ROR2: variants seen among roughly 807,000 people sequenced by gnomAD.
ROR2 encodes the protein ROR family WNT receptor 2, also known as tyrosine-protein kinase transmembrane receptor ROR2.
ROR2 carries 33 observed loss-of-function variants against 74.9 expected under a neutral mutation model. The observed-to-expected ratio is 0.44, with a 90% CI of 0.33 to 0.59. The LOEUF (loss-of-function observed/expected upper bound fraction) is 0.59, where lower values mean the gene tolerates loss of function less well. Ranked by LOEUF, ROR2 falls within the 20% of genes least tolerant of loss-of-function variation. The pLI, the probability that ROR2 is intolerant of heterozygous loss-of-function variation, is 0.02. For missense variants in ROR2, 1,216 were observed against 1,313.8 expected (o/e 0.93, Z 1.15); for synonymous variants, 586 against 558.7 (o/e 1.05, Z -0.69).
intron 4 of ROR2, among the ~76,000 whole-genome samples, chr9:91,746,485 T>C (rs181109029): frequency 2.7e-4 from 41 of 152,342 alleles, no homozygotes; most frequent in South Asian, 8.3e-4. Flanking sequence ...ACTAGACTTA[T>C]GAAAACTCCC....
Position 91,733,157 on chromosome 9 carries a change from A to C in ROR2, c.902T>G (p.Met301Arg). The C allele has an allele frequency of 6.2e-7, 1 of 1,604,558 alleles. No homozygotes were observed. Among genetic ancestry groups the C allele is most frequent in the Non-Finnish European group, 8.5e-7 (1 of 1,177,112 alleles). Reference protein sequence around the residue: ...MPESPDAANCMRIGIPAERLG... With the variant: ...MPESPDAANCRRIGIPAERLG... ...CCTCTCGGCTGGGATGCCAATGCGCATGCAGTTGGCAGCGTCGGGGCTCTC... is the reference window on the plus strand; with the variant it reads ...CCTCTCGGCTGGGATGCCAATGCGCCTGCAGTTGGCAGCGTCGGGGCTCTC... Residue 301 changes from methionine (M) to arginine (R), a missense_variant, in exon 6 of 9, where the codon ATG (methionine) becomes AGG (arginine). Physicochemically the swap from Met to Arg is moderately conservative, Grantham distance 91 (BLOSUM62 -1). Transcript: ENST00000375708. This position sits in a 1 kb window ranked among gnomAD's most constrained non-coding sequence, Gnocchi z 5.7.
intron 1 of ROR2, among the ~76,000 whole-genome samples, chr9:91,904,604 T>G (rs1402559834): frequency 6.6e-6 from 1 of 152,126 alleles, no homozygotes; most frequent in Non-Finnish European, 1.5e-5. Flanking sequence ...GGGGGTGCCT[T>G]GGCGCTTGGA....
intron 1 of ROR2, among the ~76,000 whole-genome samples, chr9:91,855,773 C>T (rs1397399529): frequency 1.3e-5 from 2 of 152,084 alleles, no homozygotes; most frequent in Non-Finnish European, 2.9e-5. Flanking sequence ...AGCGTAACTA[C>T]ACAACTCTGG....
chr9:91,921,964 A>C lies in ROR2; in HGVS notation c.97+27903T>G, dbSNP rs1367011252. Among the ~76,000 whole-genome samples the C allele has an allele frequency of 2.1e-5, 3 of 145,826 alleles. No individual in the cohort carries two copies. The East Asian group carries it at 6.1e-4, about 30-fold the overall frequency. ...AATAGACATTTCTCCAAAAAAAAAA[A>C]ATACACAACTGGCCAAAAAGAGCAT... On this transcript the variant is annotated intron_variant, in intron 1 of 8. Transcript: ENST00000375708.
At chr9:91,792,526 T>C (rs750246604) in intron 1 of ROR2, among the ~76,000 whole-genome samples, 5 of 152,152 alleles carry the variant, frequency 3.3e-5, no homozygotes, top group Admixed American at 2.6e-4. Context: ...GCCAAGATGG[T>C]CTCGATCTCC....
chr9:91,778,244 A>C (rs1278121093), intron 1 of ROR2, among the ~76,000 whole-genome samples: 2 of 152,254 alleles, frequency 1.3e-5, no homozygotes, highest in Non-Finnish European at 2.9e-5. Flanking sequence ...CAATGGGTAC[A>C]CATACTGAGC....
In ROR2 at chr9:91,779,722, C is replaced by T. The variant is rs543188300; in HGVS notation, c.98-3904G>A. Among the ~76,000 whole-genome samples the T allele has an allele frequency of 9.2e-5, 14 of 152,258 alleles. No homozygotes were observed. The South Asian group carries it at 2.9e-3, about 32-fold the overall frequency. Reference sequence around the variant, plus strand: ...TGATGCAATCCCTGGTAAATGGCCTCAAAGCCAAGTATGCACCCTAACCCT... The same window carrying T: ...TGATGCAATCCCTGGTAAATGGCCTTAAAGCCAAGTATGCACCCTAACCCT... On this transcript the variant is annotated intron_variant, in intron 1 of 8. Transcript: ENST00000375708.
At chr9:91,736,158 A>G (rs765858735) in intron 5 of ROR2, among the ~76,000 whole-genome samples, 16 of 152,080 alleles carry the variant, frequency 1.1e-4, no homozygotes, top group Admixed American at 6.5e-4. Flanking sequence ...TTTCAAAACC[A>G]TCTCCCGCTG....
chr9:91,836,400 C>G (rs1457924751), intron 1 of ROR2, among the ~76,000 whole-genome samples: 1 of 152,048 alleles, frequency 6.6e-6, no homozygotes, highest in Non-Finnish European at 1.5e-5. Flanking sequence ...ATTAGCCAGT[C>G]GTAGTGGTGC....
chr9:91,901,087 C>T (rs1564027828), intron 1 of ROR2, among the ~76,000 whole-genome samples: 1 of 152,194 alleles, frequency 6.6e-6, no homozygotes, highest in Non-Finnish European at 1.5e-5. Flanking sequence ...CTCCACTCCA[C>T]CATCCTTCAA....
rs572590286 is a variant in ROR2 at position 91,733,284 on chromosome 9, G to A, written c.775C>T (p.Leu259=). The change falls in exon 6 of 9, where the codon CTG becomes TTG. Residue 259 remains leucine, a synonymous_variant. Coordinates refer to ENST00000375708, the MANE Select transcript of ROR2 (RefSeq NM_004560.4). This position sits in a 1 kb window ranked among gnomAD's most constrained non-coding sequence, Gnocchi z 5.7. ...RELCRDECEV[L]ESDLCRQEYT... ...TCCTGGCGGCACAGGTCGCTCTCCAGCACCTCGCACTCGTCGCGGCACAGC... is the reference window on the plus strand; with the variant it reads ...TCCTGGCGGCACAGGTCGCTCTCCAACACCTCGCACTCGTCGCGGCACAGC... 24 of 1,612,970 alleles carry A rather than the reference G, an allele frequency of 1.5e-5. 1 individual carries two copies. The South Asian group carries it at 2.5e-4, about 17-fold the overall frequency.
At chr9:91,907,898 A>G (rs569094574) in intron 1 of ROR2, among the ~76,000 whole-genome samples, 10 of 152,226 alleles carry the variant, frequency 6.6e-5, no homozygotes, top group African/African-American at 2.4e-4. Context: ...CCCCACACCC[A>G]GGGCCACCCT....
chr9:91,898,032 C>A (rs1374982629), intron 1 of ROR2, among the ~76,000 whole-genome samples: 1 of 152,116 alleles, frequency 6.6e-6, no homozygotes, highest in Non-Finnish European at 1.5e-5. Context: ...ACGGCGGGGT[C>A]CACACACCCC....
chr9:91,770,501 A>G (rs1164091655), intron 2 of ROR2, among the ~76,000 whole-genome samples: 1 of 152,252 alleles, frequency 6.6e-6, no homozygotes, highest in Non-Finnish European at 1.5e-5. Flanking sequence ...CAACAAGCCC[A>G]GGCACAACAA....
intron 1 of ROR2, among the ~76,000 whole-genome samples, chr9:91,913,923 C>T (rs1831057826): frequency 6.6e-6 from 1 of 152,040 alleles, no homozygotes. Flanking sequence ...CTTAATGCCA[C>T]CCAGTGTACA....
intron 1 of ROR2, among the ~76,000 whole-genome samples, chr9:91,825,141 G>GT (rs1298342027): frequency 1.3e-5 from 2 of 152,222 alleles, no homozygotes; most frequent in African/African-American, 4.8e-5. Flanking sequence ...CAGCATGTCT[G>GT]TAACACACAG....
rs749668792 is a variant in ROR2 at position 91,726,625 on chromosome 9, T to C, written c.1302A>G (p.Ala434=). 1.9e-6 allele frequency: 3 copies of C among 1,614,028 alleles called. No individual in the cohort carries two copies. In the South Asian group the frequency reaches 3.3e-5, roughly 18 times the overall value. The change falls in exon 8 of 9, where the codon GCA becomes GCG. Residue 434 remains alanine, a synonymous_variant. Coordinates refer to ENST00000375708, the MANE Select transcript of ROR2 (RefSeq NM_004560.4). The part of the protein sequence containing the change: ...LVCMCRNKQK[A]SASTPQRRQL... ...GTCGCCGCTGCGGTGTGGACGCAGA[T>C]GCCTTCTGCTTATTCCGGCACATGC...
chr9:91,948,430 G>T (rs1271753661), intron 1 of ROR2, among the ~76,000 whole-genome samples: 1 of 152,216 alleles, frequency 6.6e-6, no homozygotes, highest in Non-Finnish European at 1.5e-5. Context: ...TACCAACTTA[G>T]AATGTGGTCT....
At chr9:91,769,038 G>C (rs1202550876) in intron 2 of ROR2, among the ~76,000 whole-genome samples, 1 of 152,160 alleles carries the variant, frequency 6.6e-6, no homozygotes, top group Non-Finnish European at 1.5e-5. Context: ...GGAAAGGTTT[G>C]CTTGGGATTG....
Sources: gnomAD v4.1 joint callset for allele counts (sites outside exome capture counted in the v4.1 genomes callset) on GRCh38, gnomAD v4.1.1 for gene constraint, Gnocchi (gnomAD v3.1) non-coding constraint, MANE v1.5 for transcripts, NCBI Gene and HGNC (gene_info 2026-07-23, HGNC 2026-07-21) for gene names.